Variants in RNF152 observed in about 807,000 individuals in gnomAD.
RNF152 encodes ring finger protein 152, also known as E3 ubiquitin-protein ligase RNF152.
A neutral mutation model predicts 12.7 loss-of-function variants in RNF152; 11 were observed. That is an observed-to-expected ratio of 0.86 (90% CI 0.54 to 1.43). The LOEUF is 1.43. RNF152 is among the 40% of genes most tolerant of loss of function. The pLI is 0.00. For synonymous variants in RNF152, 113 were observed against 120.3 expected, an observed-to-expected ratio of 0.94 and a Z score of 0.40; for missense variants, 255 against 274.8, an observed-to-expected ratio of 0.93 and a Z score of 0.51.
chr18:61,851,324 G>A (rs192846383), intron 1 of RNF152, among the ~76,000 whole-genome samples: 102 of 152,152 alleles, frequency 6.7e-4, no homozygotes, highest in Admixed American at 1.8e-3. Context: ...CATAAACACT[G>A]CATCTATACC....
intron 1 of RNF152, among the ~76,000 whole-genome samples, chr18:61,843,432 C>T (rs1291629114): frequency 6.6e-6 from 1 of 152,158 alleles, no homozygotes; most frequent in East Asian, 1.9e-4. Flanking sequence ...CCCTATCATC[C>T]AGCAATTCCA....
intron 1 of RNF152, among the ~76,000 whole-genome samples, chr18:61,832,914 T>C (rs1435402598): frequency 6.6e-6 from 1 of 152,208 alleles, no homozygotes; most frequent in Admixed American, 6.5e-5. Flanking sequence ...CTATAGCTCT[T>C]GTTAGTTAGT....
At chr18:61,866,461 C>T (rs1293104564) in intron 1 of RNF152, among the ~76,000 whole-genome samples, 2 of 151,776 alleles carry the variant, frequency 1.3e-5, no homozygotes, top group African/African-American at 2.4e-5. Flanking sequence ...CTCTCGCCCG[C>T]GTTTCTGTGC....
chr18:61,833,051 AG>A (rs1025352157), intron 1 of RNF152, among the ~76,000 whole-genome samples: 3 of 152,246 alleles, frequency 2.0e-5, no homozygotes, highest in African/African-American at 7.2e-5. Flanking sequence ...AAGGGATGGC[AG>A]CGTGCTTTCT....
At chr18:61,894,283 C>G (rs1192243367), upstream of RNF152, 2 of 150,616 alleles carry the variant, frequency 1.3e-5, no homozygotes, top group East Asian at 2.0e-4. The surrounding 1 kb of genome is among the most constrained non-coding windows in gnomAD (Gnocchi z 4.9). Flanking sequence ...CTCCTCCGGC[C>G]GAGAGCCACG....
chr18:61,869,286 T>C (rs1455417838), intron 1 of RNF152, among the ~76,000 whole-genome samples: 1 of 152,206 alleles, frequency 6.6e-6, no homozygotes, highest in Non-Finnish European at 1.5e-5. Context: ...GTCAGGGGTC[T>C]TCTTCCAATC....
chr18:61,829,597 G>GGA (rs111850940), intron 1 of RNF152, among the ~76,000 whole-genome samples: 53 of 142,146 alleles, frequency 3.7e-4, no homozygotes, highest in East Asian at 1.7e-3. Context: ...AGAGAGATAA[G>GGA]GAGAGAGAGA....
intron 1 of RNF152, among the ~76,000 whole-genome samples, chr18:61,867,366 C>T (rs1328307069): frequency 4.0e-5 from 6 of 151,840 alleles, no homozygotes; most frequent in Non-Finnish European, 7.4e-5. Flanking sequence ...GCAGGAGAAT[C>T]ACTTGAACCT....
At chr18:61,873,852 T>C (rs1912103003) in intron 1 of RNF152, among the ~76,000 whole-genome samples, 2 of 152,206 alleles carry the variant, frequency 1.3e-5, no homozygotes, top group African/African-American at 4.8e-5. Context: ...ACAGTCCAAG[T>C]CCAGGGTAGC....
At position 61,816,105 on chromosome 18, in the gene RNF152, C is replaced by T. The variant is rs377278409; in HGVS notation, c.359G>A (p.Arg120His). The T allele has an allele frequency of 1.5e-5, 24 of 1,614,012 alleles. No homozygotes were observed. Among genetic ancestry groups the T allele is most frequent in the Middle Eastern group, 1.6e-4 (1 of 6,082 alleles). ...CTTCTGCTGGCTCCCGGGCAGCAGGCGGCAGCCCATGTCTCCGGGCAGCAG... is the reference window on the plus strand; with the variant it reads ...CTTCTGCTGGCTCCCGGGCAGCAGGTGGCAGCCCATGTCTCCGGGCAGCAG... ...RALLPGDMGC[R>H]LLPGSQQKSV... is the part of the protein sequence containing the mutation. The change falls in exon 2 of 2, where the codon CGC becomes CAC. Residue 120 changes from arginine (R) to histidine (H), a missense_variant. Transcript: ENST00000312828.
intron 1 of RNF152, among the ~76,000 whole-genome samples, chr18:61,862,194 C>G (rs960776823): frequency 6.6e-6 from 1 of 152,146 alleles, no homozygotes; most frequent in Non-Finnish European, 1.5e-5. Context: ...TCCTGACCCC[C>G]CTATCTCCTC....
chr18:61,846,458 G>C (rs1910748120), intron 1 of RNF152, among the ~76,000 whole-genome samples: 1 of 152,056 alleles, frequency 6.6e-6, no homozygotes, highest in South Asian at 2.1e-4. Context: ...CTGCTGCCAA[G>C]AGTTTCTTCT....
rs1912797038 is a variant in RNF152, at chr18:61,808,476, C to A, written c.*7376G>T. 1 of 149,010 alleles carries A rather than the reference C, an allele frequency of 6.7e-6. No homozygotes were observed. Among genetic ancestry groups the A allele is most frequent in the Admixed American group, 6.7e-5 (1 of 14,828 alleles). 9.2% of individuals were successfully genotyped at this position (149,010 alleles called of 1,614,324 possible). On this transcript the variant is annotated 3_prime_UTR_variant, in exon 2 of 2. Coordinates refer to ENST00000312828, the MANE Select transcript of RNF152 (RefSeq NM_173557.3). The stretch of plus-strand genomic sequence containing the variant: ...CACATCAAGGATTTGAGTTAATAGC[C>A]TCTGAGCAGCATTAATATAGCCATT...
At chr18:61,836,843 C>T (rs1364491216) in intron 1 of RNF152, among the ~76,000 whole-genome samples, 2 of 152,114 alleles carry the variant, frequency 1.3e-5, no homozygotes, top group Non-Finnish European at 2.9e-5. Flanking sequence ...TTTTTGAAAG[C>T]CACCATTTTA....
intron 1 of RNF152, among the ~76,000 whole-genome samples, chr18:61,879,331 T>C (rs918459989): frequency 5.9e-5 from 9 of 152,190 alleles, no homozygotes; most frequent in African/African-American, 2.2e-4. Context: ...ATAAGTAATC[T>C]AGTGACGATT....
chr18:61,889,965 G>A (rs1387395045), intron 1 of RNF152, among the ~76,000 whole-genome samples: 1 of 152,208 alleles, frequency 6.6e-6, no homozygotes, highest in Non-Finnish European at 1.5e-5. Flanking sequence ...TTTCACTTCA[G>A]AGTAAACATG....
Position 61,865,182 on chromosome 18 carries a change from C to T in RNF152, c.-136+27613G>A, listed in dbSNP as rs370990559. Among the ~76,000 whole-genome samples the T allele has an allele frequency of 5.4e-4, 82 of 152,280 alleles. 2 individuals carry two copies. Among genetic ancestry groups the T allele is most frequent in the East Asian group, 4.6e-3 (24 of 5,182 alleles). ...CACAATATCATACCCCTAGAACCTG[C>T]AGCCAAATTGTCCGGCACATATACT... On this transcript the variant is annotated intron_variant, in intron 1 of 1. Transcript: ENST00000312828.
chr18:61,844,132 AAGAAAG>A (rs1421951548), intron 1 of RNF152, among the ~76,000 whole-genome samples: 3 of 146,586 alleles, frequency 2.0e-5, no homozygotes, highest in South Asian at 2.2e-4. Flanking sequence ...GAAAGAAAGA[AAGAAAG>A]AAATTAAGAG....
chr18:61,850,685 A>G (rs1057218477), intron 1 of RNF152, among the ~76,000 whole-genome samples: 1 of 152,224 alleles, frequency 6.6e-6, no homozygotes, highest in Non-Finnish European at 1.5e-5. Flanking sequence ...AATTCAGGAC[A>G]ACAAAGTAAA....
Sources: gnomAD v4.1 joint callset for allele counts (sites outside exome capture counted in the v4.1 genomes callset) on GRCh38, gnomAD v4.1.1 for gene constraint, Gnocchi (gnomAD v3.1) non-coding constraint, MANE v1.5 for transcripts, NCBI Gene and HGNC (gene_info 2026-07-23, HGNC 2026-07-21) for gene names.